The following RASSF8 variants were observed in gnomAD, a reference collection of about 807,000 sequenced individuals.
RASSF8 encodes ras association domain-containing protein 8.
RASSF8 carries 22 observed loss-of-function variants against 48.5 expected under a neutral mutation model. The observed-to-expected ratio is 0.45, with a 90% confidence interval of 0.32 to 0.65. The LOEUF is 0.65. Among genes scored for constraint, RASSF8 ranks in the 30% least tolerant of loss-of-function variants. RASSF8 has a pLI of 0.03. For synonymous variants in RASSF8, 127 were observed against 171.5 expected, an observed-to-expected ratio of 0.74 and a Z score of 2.03; for missense variants, 418 against 489.2, an observed-to-expected ratio of 0.85 and a Z score of 1.37.
chr12:25,965,083 C>G (rs1941326501), intron 1 of RASSF8, among the ~76,000 whole-genome samples: 1 of 152,098 alleles, frequency 6.6e-6, no homozygotes, highest in Admixed American at 6.5e-5. Flanking sequence ...GCTGGGACTA[C>G]AGGTCCCCGC....
At chr12:25,968,425 C>A (rs999717603) in intron 1 of RASSF8, among the ~76,000 whole-genome samples, 7 of 152,272 alleles carry the variant, frequency 4.6e-5, no homozygotes, top group Non-Finnish European at 5.9e-5. Context: ...TCACTGCAGC[C>A]CCCGCCTCCC....
intron 2 of RASSF8, chr12:26,052,450 A>G (rs766366846): frequency 7.9e-5 from 12 of 152,230 alleles, no homozygotes; most frequent in African/African-American, 1.2e-4. Context: ...AATGAAGACA[A>G]TAACTGAACT....
intron 2 of RASSF8, among the ~76,000 whole-genome samples, chr12:25,997,112 C>T (rs890021780): frequency 3.9e-5 from 6 of 152,024 alleles, no homozygotes; most frequent in Non-Finnish European, 8.8e-5. Flanking sequence ...CAGTTTATCA[C>T]GAGATACCTT....
intron 2 of RASSF8, among the ~76,000 whole-genome samples, chr12:26,012,003 A>C (rs1341861321): frequency 6.6e-6 from 1 of 152,196 alleles, no homozygotes; most frequent in African/African-American, 2.4e-5. Flanking sequence ...TATCCATGGC[A>C]TATAGTAGGC....
chr12:25,995,810 A>G (rs1942119168), intron 2 of RASSF8, among the ~76,000 whole-genome samples: 1 of 152,202 alleles, frequency 6.6e-6, no homozygotes, highest in African/African-American at 2.4e-5. Flanking sequence ...TGTAGTAGGT[A>G]AATCACTTAT....
chr12:26,073,699 A>G (rs897450276), downstream of RASSF8, among the ~76,000 whole-genome samples: 4 of 150,992 alleles, frequency 2.6e-5, no homozygotes, highest in East Asian at 7.8e-4. Flanking sequence ...AGATCGCACC[A>G]CTGCATTCCA....
At chr12:26,017,381 A>G (rs1428048596) in intron 2 of RASSF8, among the ~76,000 whole-genome samples, 1 of 151,308 alleles carries the variant, frequency 6.6e-6, no homozygotes, top group Non-Finnish European at 1.5e-5. Context: ...AGAGGTGAAG[A>G]GACTCTCAAG....
rs954524624 is a variant in RASSF8, at chr12:26,065,041, A to G, written c.647A>G (p.Asn216Ser). 15 of 1,613,640 alleles carry G rather than the reference A, an allele frequency of 9.3e-6. No individual in the cohort carries two copies. Among genetic ancestry groups the G allele is most frequent in the Non-Finnish European group, 1.3e-5 (15 of 1,179,820 alleles). Residue 216 changes from asparagine (N) to serine (S), a missense_variant, in exon 4 of 6, where the codon AAC becomes AGC. Transcript: ENST00000689635. ...CGTCTAGAGCAAAAGATCAAAAGAA[A>G]CGATGTAGAAATTGAGGAGGAAGAA... ...IVRLEQKIKRNDVEIEEEEFW... is the reference protein window; with the variant it reads ...IVRLEQKIKRSDVEIEEEEFW...
At chr12:26,014,242 A>G (rs1006446456) in intron 2 of RASSF8, among the ~76,000 whole-genome samples, 2 of 152,228 alleles carry the variant, frequency 1.3e-5, no homozygotes, top group African/African-American at 4.8e-5. Context: ...TGTGTTTCCT[A>G]TGCCCATGGC....
intron 2 of RASSF8, among the ~76,000 whole-genome samples, chr12:26,024,798 A>T (rs560342490): frequency 6.6e-6 from 1 of 152,146 alleles, no homozygotes; most frequent in African/African-American, 2.4e-5. Context: ...CTACTAAAAA[A>T]TACAAAAAAT....
Position 26,070,558 on chromosome 12 carries a change from G to A in RASSF8, c.*1740G>A. On this transcript the variant is annotated 3_prime_UTR_variant, in exon 6 of 6. Coordinates refer to ENST00000689635, the MANE Select transcript of RASSF8 (RefSeq NM_001394098.1). Reference sequence around the variant, plus strand: ...ATTCTTACCTAAATAACCACAACCTGTACACATTTGCTCACAATTTATAGT... The same window carrying A: ...ATTCTTACCTAAATAACCACAACCTATACACATTTGCTCACAATTTATAGT... 5.1e-6 allele frequency: 5 copies of A among 979,620 alleles called. No individual in the cohort carries two copies. The highest frequency in any genetic ancestry group is 6.1e-6 in the Non-Finnish European group (5 of 824,792). 60.7% of individuals were successfully genotyped at this position (979,620 alleles called of 1,614,324 possible). A position where few individuals can be genotyped will look rare whatever the true frequency, so the allele number is the denominator to read the frequency against.
intron 1 of RASSF8, among the ~76,000 whole-genome samples, chr12:25,981,894 A>C (rs1049300916): frequency 2.6e-5 from 4 of 152,180 alleles, no homozygotes; most frequent in Non-Finnish European, 4.4e-5. Flanking sequence ...GTCTATATCA[A>C]ATTTAATTTG....
At chr12:25,990,517 C>T (rs182747064) in intron 1 of RASSF8, among the ~76,000 whole-genome samples, 1 of 152,236 alleles carries the variant, frequency 6.6e-6, no homozygotes, top group Admixed American at 6.5e-5. Context: ...ACTAATATAG[C>T]TTAATAGCAT....
At chr12:26,020,909 A>G (rs1942773039) in intron 2 of RASSF8, among the ~76,000 whole-genome samples, 1 of 152,218 alleles carries the variant, frequency 6.6e-6, no homozygotes, top group Admixed American at 6.5e-5. Context: ...CAACATGTGT[A>G]TCTTACGAAG....
intron 2 of RASSF8, among the ~76,000 whole-genome samples, chr12:26,000,958 G>A (rs7132590): frequency 0.065 from 9,674 of 147,900 alleles, 687 homozygotes; most frequent in East Asian, 0.27. Flanking sequence ...GTGTACTTAA[G>A]CTGCACATGT....
chr12:26,070,955 G>A lies in RASSF8; in HGVS notation c.*2137G>A. The A allele has an allele frequency of 1.0e-6, 1 of 983,516 alleles. No individual in the cohort carries two copies. The highest frequency in any genetic ancestry group is 1.2e-6 in the Non-Finnish European group (1 of 828,212). The allele number at this position is 983,516 out of a possible 1,614,324, so 60.9% of individuals were successfully genotyped here. ...ACAAGCAGCATCCTAGCAACTTGTAGTAGTCTTGGGTTCCCAGCAGAGTAT... is the reference window on the plus strand; with the variant it reads ...ACAAGCAGCATCCTAGCAACTTGTAATAGTCTTGGGTTCCCAGCAGAGTAT... On this transcript the variant is annotated 3_prime_UTR_variant, in exon 6 of 6. Coordinates refer to ENST00000689635, the MANE Select transcript of RASSF8 (RefSeq NM_001394098.1).
chr12:26,037,573 A>G (rs948330525), intron 2 of RASSF8, among the ~76,000 whole-genome samples: 1 of 152,170 alleles, frequency 6.6e-6, no homozygotes, highest in Non-Finnish European at 1.5e-5. Context: ...TGTTTAGTTA[A>G]TAATATTTTT....
intron 1 of RASSF8, among the ~76,000 whole-genome samples, chr12:25,964,093 G>A (rs1038551668): frequency 1.1e-4 from 16 of 152,206 alleles, no homozygotes; most frequent in African/African-American, 2.9e-4. Flanking sequence ...TTCGCATCAC[G>A]AGTAGCTGCC....
chr12:26,037,477 T>C (rs1943177932), intron 2 of RASSF8, among the ~76,000 whole-genome samples: 1 of 152,224 alleles, frequency 6.6e-6, no homozygotes, highest in Admixed American at 6.5e-5. Flanking sequence ...GGGTAGAGTT[T>C]ATAATTATTT....
Sources: allele counts gnomAD v4.1 joint callset (sites outside exome capture counted in the v4.1 genomes callset), GRCh38; gene constraint gnomAD v4.1.1; transcripts MANE v1.5; gene names NCBI Gene and HGNC (gene_info 2026-07-23, HGNC 2026-07-21).